The following COL19A1 variants were observed in gnomAD, a reference collection of about 807,000 sequenced individuals.
COL19A1 encodes the protein collagen alpha-1(XIX) chain.
A neutral mutation model predicts 190.2 loss-of-function variants in COL19A1; 159 were observed. That is an observed-to-expected ratio of 0.84 (90% confidence interval 0.73 to 0.95). COL19A1 has a LOEUF of 0.95. Ranked by LOEUF, COL19A1 falls within the 40% of genes least tolerant of loss-of-function variation. The pLI, the probability that COL19A1 is intolerant of heterozygous loss-of-function variation, is 0.00. For synonymous variants in COL19A1, 509 were observed against 458.9 expected, an observed-to-expected ratio of 1.11 and a Z score of -1.39; for missense variants, 1,418 against 1,431.9, an observed-to-expected ratio of 0.99 and a Z score of 0.16.
chr6:70,033,313 G>A (rs1779169228), intron 12 of COL19A1, among the ~76,000 whole-genome samples: 1 of 152,130 alleles, frequency 6.6e-6, no homozygotes, highest in African/African-American at 2.4e-5. Flanking sequence ...TGTCAGGGCA[G>A]TAATAGCCGG....
intron 4 of COL19A1, among the ~76,000 whole-genome samples, chr6:69,907,070 C>T (rs899124783): frequency 8.6e-5 from 13 of 150,818 alleles, no homozygotes; most frequent in Non-Finnish European, 1.2e-4. Flanking sequence ...CTTTTCTACA[C>T]GGACCTTTAC....
chr6:70,095,614 T>C (rs558444252), intron 15 of COL19A1, among the ~76,000 whole-genome samples: 1 of 152,348 alleles, frequency 6.6e-6, no homozygotes, highest in Admixed American at 6.5e-5. Flanking sequence ...ATTCACATTG[T>C]TGTGAAACAG....
chr6:69,974,497 G>A (rs1159176609), intron 11 of COL19A1, among the ~76,000 whole-genome samples: 1 of 152,196 alleles, frequency 6.6e-6, no homozygotes, highest in Non-Finnish European at 1.5e-5. Flanking sequence ...GAACTACAAG[G>A]CTGGAGCACA....
intron 4 of COL19A1, among the ~76,000 whole-genome samples, chr6:69,902,672 A>G (rs13191092): frequency 0.021 from 3,161 of 152,258 alleles, 48 homozygotes; most frequent in Non-Finnish European, 0.032. Flanking sequence ...TACCTGTGCT[A>G]AAGTTATAGG....
chr6:69,929,729 A>T (rs1355615642), intron 6 of COL19A1, 29 bp downstream of exon 6: 1 of 1,552,224 alleles, frequency 6.4e-7, no homozygotes, highest in East Asian at 2.3e-5. Context: ...TGTGAAAGAG[A>T]ACTAAAATTT....
chr6:70,045,596 AAATCC>A (rs1319762417), intron 14 of COL19A1, among the ~76,000 whole-genome samples: 7 of 152,290 alleles, frequency 4.6e-5, no homozygotes, highest in African/African-American at 1.4e-4. Context: ...GCAACAGCTG[AAATCC>A]GTTTTGTTCT....
intron 48 of COL19A1, among the ~76,000 whole-genome samples, chr6:70,194,985 A>G (rs1375477716): frequency 6.6e-6 from 1 of 151,304 alleles, no homozygotes; most frequent in Admixed American, 6.6e-5. Flanking sequence ...ATGCATATAT[A>G]TATGAATGTG....
chr6:70,192,110 G>C (rs1350591174), intron 48 of COL19A1, among the ~76,000 whole-genome samples: 1 of 152,068 alleles, frequency 6.6e-6, no homozygotes, highest in African/African-American at 2.4e-5. Flanking sequence ...ACCCAGGCTG[G>C]AGTGCAATGA....
chr6:69,936,193 G>A (rs1433694047), intron 7 of COL19A1, among the ~76,000 whole-genome samples: 1 of 152,086 alleles, frequency 6.6e-6, no homozygotes, highest in East Asian at 1.9e-4. Flanking sequence ...TGTCCAGCAT[G>A]CTCTGAACCC....
At chr6:69,960,682 T>TGCAGTGGCGC (rs1774732554) in intron 10 of COL19A1, among the ~76,000 whole-genome samples, 1 of 145,604 alleles carries the variant, frequency 6.9e-6, no homozygotes, top group Admixed American at 7.3e-5. Context: ...CAGGCTGGAG[T>TGCAGTGGCGC]GCAGTGGCGC....
At chr6:70,083,303 C>A (rs1782386279) in intron 15 of COL19A1, among the ~76,000 whole-genome samples, 1 of 152,070 alleles carries the variant, frequency 6.6e-6, no homozygotes, top group Admixed American at 6.6e-5. Flanking sequence ...GTGCCTTATA[C>A]ACACTTTAAA....
At chr6:69,930,123 A>C (rs1228279306) in intron 6 of COL19A1, among the ~76,000 whole-genome samples, 1 of 152,228 alleles carries the variant, frequency 6.6e-6, no homozygotes, top group Non-Finnish European at 1.5e-5. Context: ...TCATCCTTAC[A>C]ATAGCAATTA....
At chr6:69,978,320 A>G (rs1004972078) in intron 11 of COL19A1, among the ~76,000 whole-genome samples, 1 of 152,298 alleles carries the variant, frequency 6.6e-6, no homozygotes, top group Admixed American at 6.5e-5. Flanking sequence ...TTTGCATTTT[A>G]TCCAATAGAT....
chr6:70,096,941 C>T (rs1300543607), intron 15 of COL19A1, among the ~76,000 whole-genome samples: 3 of 152,218 alleles, frequency 2.0e-5, no homozygotes, highest in Admixed American at 6.5e-5. Flanking sequence ...GCTCTATTAC[C>T]GTGACCTGAC....
At chr6:70,034,641 G>A (rs899358153) in intron 13 of COL19A1, among the ~76,000 whole-genome samples, 1 of 152,190 alleles carries the variant, frequency 6.6e-6, no homozygotes, top group African/African-American at 2.4e-5. Context: ...GGTGAGGCAA[G>A]TGGCTTTTGG....
chr6:69,869,439 A>G (rs1016902422), intron 1 of COL19A1, among the ~76,000 whole-genome samples: 2 of 152,222 alleles, frequency 1.3e-5, no homozygotes, highest in Non-Finnish European at 2.9e-5. Flanking sequence ...TCTCTTATCT[A>G]TGCATACGTT....
chr6:69,959,203 A>G (rs1404491558), intron 9 of COL19A1, among the ~76,000 whole-genome samples: 1 of 152,216 alleles, frequency 6.6e-6, no homozygotes, highest in Non-Finnish European at 1.5e-5. Flanking sequence ...ACTAAAAGCC[A>G]TCTGTCTTTT....
intron 11 of COL19A1, among the ~76,000 whole-genome samples, chr6:70,010,128 A>G (rs1777897232): frequency 6.6e-6 from 1 of 152,214 alleles, no homozygotes. Context: ...GAGAATAAAA[A>G]GACAAAGCAC....
intron 37 of COL19A1, 125 bp downstream of exon 37, chr6:70,166,110 A>G: frequency 1.2e-6 from 1 of 856,826 alleles, no homozygotes; most frequent in Non-Finnish European, 2.0e-6. Flanking sequence ...GTATAAATAT[A>G]AATGATAGCC....
Sources: allele counts gnomAD v4.1 joint callset (sites outside exome capture counted in the v4.1 genomes callset), GRCh38; gene constraint gnomAD v4.1.1; transcripts MANE v1.5; gene names NCBI Gene and HGNC (gene_info 2026-07-23, HGNC 2026-07-21).